Variants in RAD50 observed in about 807,000 individuals in gnomAD.
RAD50 encodes RAD50 double strand break repair protein.
RAD50 carries 132 observed loss-of-function variants against 168.8 expected under a neutral mutation model. The ratio of observed to expected loss-of-function variants is 0.78; its 90% CI spans 0.68 to 0.90. The LOEUF (loss-of-function observed/expected upper bound fraction) is 0.90, where lower values mean the gene tolerates loss of function less well. Among genes scored for constraint, RAD50 ranks in the 40% least tolerant of loss-of-function variants. RAD50 has a pLI of 0.00. For missense variants in RAD50, 1,347 were observed against 1,534.4 expected (o/e 0.88, Z 2.04); for synonymous variants, 525 against 497.4 (o/e 1.06, Z -0.74).
At position 132,557,243 on chromosome 5, in the gene RAD50, C is replaced by G; in HGVS notation, c.-82C>G. 6.4e-7 allele frequency: 1 copy of G among 1,556,304 alleles called. No homozygotes were observed. The highest frequency in any genetic ancestry group is 8.9e-7 in the Non-Finnish European group (1 of 1,127,700). On this transcript the variant is annotated 5_prime_UTR_variant, in exon 1 of 25. Coordinates refer to ENST00000378823, the MANE Select transcript of RAD50 (RefSeq NM_005732.4). ...CTGACCCTGAGATTCGCGGGTCTCACGTCCCGTGCACGCCTTGCTTCGGCC... is the reference window on the plus strand; with the variant it reads ...CTGACCCTGAGATTCGCGGGTCTCAGGTCCCGTGCACGCCTTGCTTCGGCC...
In RAD50 at chr5:132,616,050, T is replaced by C. The variant is rs2149852949; in HGVS notation, c.3084T>C (p.Asn1028=). Residue 1028 remains asparagine (N), a synonymous_variant, in exon 20 of 25, where the codon AAT becomes AAC. Transcript: ENST00000378823. ...ATAACCTTACTTTAAGAAAAAGAAA[T>C]GAGGAACTAAAAGAAGTTGAAGAAG... ...LQDNLTLRKR[N]EELKEVEEER... is the part of the protein sequence containing the mutation. The C allele has an allele frequency of 6.2e-7, 1 of 1,605,844 alleles. No homozygotes were observed. The highest frequency in any genetic ancestry group is 8.5e-7 in the Non-Finnish European group (1 of 1,172,760).
At chr5:132,577,702 A>G (rs112353614) in intron 3 of RAD50, among the ~76,000 whole-genome samples, 35 of 151,762 alleles carry the variant, frequency 2.3e-4, no homozygotes, top group African/African-American at 7.7e-4. Flanking sequence ...CATTGCTCAA[A>G]CTACTCTGTG....
chr5:132,580,029 T>C lies in RAD50; in HGVS notation c.719T>C (p.Ile240Thr). The change falls in exon 5 of 25, where the codon ATT becomes ACT. Residue 240 changes from isoleucine to threonine, a missense_variant. By Grantham distance (89) the Ile-to-Thr change is moderately conservative. Coordinates refer to ENST00000378823, the MANE Select transcript of RAD50 (RefSeq NM_005732.4). ...KEAQLTSSKEIVKSYENELDP... is the reference protein window; with the variant it reads ...KEAQLTSSKETVKSYENELDP... ...GCCCAGTTAACATCTTCAAAGGAAA[T>C]TGTCAAATCCTATGAGAATGAACTT... 1.2e-6 allele frequency: 2 copies of C among 1,613,306 alleles called. No individual in the cohort carries two copies. Among genetic ancestry groups the C allele is most frequent in the Middle Eastern group, 3.3e-4 (2 of 6,050 alleles).
intron 23 of RAD50, 118 bp downstream of exon 23, chr5:132,638,341 C>A: frequency 8.2e-7 from 1 of 1,218,278 alleles, no homozygotes; most frequent in Non-Finnish European, 1.2e-6. Flanking sequence ...CTCTTTGCTG[C>A]TATATAAAAT....
rs566578008 is a variant in RAD50 at position 132,614,362 on chromosome 5, T to C, written c.3037-1641T>C. 5.3e-5 allele frequency among the ~76,000 whole-genome samples: 8 copies of C among 152,316 alleles called. No homozygotes were observed. In the Middle Eastern group the frequency reaches 0.01, roughly 194 times the overall value. ...CCTTGGTAAGTCACACCAGCTACAG[T>C]GGTACATTAGATTGCTTTAGCAACA... On this transcript the variant is annotated intron_variant, in intron 19 of 24. Coordinates refer to ENST00000378823, the MANE Select transcript of RAD50 (RefSeq NM_005732.4).
chr5:132,616,320 T>G (rs996670974), intron 20 of RAD50, among the ~76,000 whole-genome samples, 190 bp downstream of exon 20: 10 of 152,210 alleles, frequency 6.6e-5, no homozygotes, highest in Non-Finnish European at 1.5e-4. Context: ...AGAAGTGATA[T>G]AGAATTGGTA....
chr5:132,571,067 C>T (rs767590582), intron 2 of RAD50, among the ~76,000 whole-genome samples: 1 of 151,962 alleles, frequency 6.6e-6, no homozygotes, highest in Non-Finnish European at 1.5e-5. Flanking sequence ...AGGACACACA[C>T]GTTAATGGAT....
chr5:132,579,471 CAA>C lies in RAD50; in HGVS notation c.523_524del (p.Lys175ValfsTer2), dbSNP rs1750465926. 3 of 1,613,490 alleles carry C rather than the reference CAA, an allele frequency of 1.9e-6. No individual in the cohort carries two copies. The highest frequency in any genetic ancestry group is 1.7e-5 in the Admixed American group (1 of 60,002). ...TTTAAGTGAAGGAAAGGCTTTGAAG[CAA>C]AAGTTTGATGAGATTTTTTCAGCAA... Reference protein sequence around the residue: ...WPLSEGKALKQKFDEIFSATR... With the variant: ...WPLSEGKALKXKFDEIFSATR... On this transcript the variant is annotated frameshift_variant, in exon 4 of 25. Coordinates refer to ENST00000378823, the MANE Select transcript of RAD50 (RefSeq NM_005732.4). LOFTEE classifies it high-confidence loss of function.
chr5:132,645,496 C>G lies in RAD50; in HGVS notation c.*3132C>G, dbSNP rs1481514002. On this transcript the variant is annotated 3_prime_UTR_variant, in exon 25 of 25. Transcript: ENST00000378823. ...ACTCAGAGTCTGCACCTCTTTTCTT[C>G]TCTGTGCTCACTTATTTGGTGATCT... The G allele has an allele frequency of 1.3e-5, 2 of 152,320 alleles. No homozygotes were observed. Among genetic ancestry groups the G allele is most frequent in the African/African-American group, 2.4e-5 (1 of 41,458 alleles). 9.4% of individuals were successfully genotyped at this position (152,320 alleles called of 1,614,324 possible).
At chr5:132,638,750 G>A (rs1288634778) in intron 23 of RAD50, among the ~76,000 whole-genome samples, 1 of 152,200 alleles carries the variant, frequency 6.6e-6, no homozygotes, top group Non-Finnish European at 1.5e-5. Context: ...AGACTTAGCT[G>A]CTGGGTCAGG....
At chr5:132,595,973 T>C (rs1460348065) in intron 13 of RAD50, among the ~76,000 whole-genome samples, 163 bp downstream of exon 13, 5 of 152,100 alleles carry the variant, frequency 3.3e-5, no homozygotes, top group Non-Finnish European at 7.3e-5. Context: ...TGTTTAAAGA[T>C]AAGCTTGTTT....
intron 24 of RAD50, chr5:132,641,836 A>G (rs753092556): frequency 4.1e-6 from 1 of 242,610 alleles, no homozygotes; most frequent in Non-Finnish European, 8.0e-6. Flanking sequence ...TAAGCCTTCT[A>G]TAGTTGAACA....
chr5:132,638,097 A>C lies in RAD50; in HGVS notation c.3492A>C (p.Glu1164Asp). 1 of 1,614,132 alleles carries C rather than the reference A, an allele frequency of 6.2e-7. No homozygotes were observed. The highest frequency in any genetic ancestry group is 2.2e-5 in the East Asian group (1 of 44,888). ...TYRGQDIEYIEIRSDADENVS... is the reference protein window; with the variant it reads ...TYRGQDIEYIDIRSDADENVS... ...CTGTGTCAGATATTGAATACATAGA[A>C]ATACGGTCTGATGCCGATGAAAATG... Residue 1164 changes from glutamate (E) to aspartate (D), a missense_variant, in exon 23 of 25, where the codon GAA (glutamate) becomes GAC (aspartate). Around this residue, in one of 3 missense-constraint regions of RAD50, gnomAD observed 635 missense variants for 739.2 expected, o/e 0.86. Transcript: ENST00000378823.
At chr5:132,572,856 T>C in intron 2 of RAD50, among the ~76,000 whole-genome samples, 1 of 152,264 alleles carries the variant, frequency 6.6e-6, no homozygotes, top group Middle Eastern at 3.2e-3. Flanking sequence ...GTAATCTTTC[T>C]ATTTTAAAGT....
In RAD50 at chr5:132,557,188, C is replaced by A; in HGVS notation, c.-137C>A. On this transcript the variant is annotated 5_prime_UTR_variant, in exon 1 of 25. Transcript: ENST00000378823. ...TTGGCTGGCAGGATCTTTTGGCAGT[C>A]CTGTGGCCTCGCTCCCCGCCCGGAT... 1.7e-6 allele frequency: 2 copies of A among 1,209,566 alleles called. No homozygotes were observed. Among genetic ancestry groups the A allele is most frequent in the Non-Finnish European group, 2.4e-6 (2 of 827,654 alleles). 74.9% of individuals were successfully genotyped at this position (1,209,566 alleles called of 1,614,324 possible).
chr5:132,585,229 T>C (rs905864710), intron 5 of RAD50, among the ~76,000 whole-genome samples: 1 of 152,206 alleles, frequency 6.6e-6, no homozygotes, highest in Non-Finnish European at 1.5e-5. Flanking sequence ...TTTAACCTTA[T>C]AAGTTACCAG....
chr5:132,591,664 A>C (rs1750702201), intron 10 of RAD50, among the ~76,000 whole-genome samples: 2 of 152,148 alleles, frequency 1.3e-5, no homozygotes, highest in South Asian at 4.1e-4. Context: ...AAATTTTAAA[A>C]TTTTATATTG....
In RAD50 at chr5:132,608,678, G is replaced by C; in HGVS notation, c.2782G>C (p.Glu928Gln). ...GGAAAAGTTCCAGCAAGAAAAAGAAGAATTAATCAACAAAAAAAATACAAG... is the reference window on the plus strand; with the variant it reads ...GGAAAAGTTCCAGCAAGAAAAAGAACAATTAATCAACAAAAAAAATACAAG... ...TLEKFQQEKEELINKKNTSNK... is the reference protein window; with the variant it reads ...TLEKFQQEKEQLINKKNTSNK... The change falls in exon 17 of 25, where the codon GAA becomes CAA. Residue 928 changes from glutamate to glutamine, a missense_variant. Physicochemically the swap from Glu to Gln is conservative, Grantham distance 29. Transcript: ENST00000378823. The C allele has an allele frequency of 6.3e-7, 1 of 1,599,470 alleles. No homozygotes were observed. The highest frequency in any genetic ancestry group is 8.5e-7 in the Non-Finnish European group (1 of 1,173,052).
intron 9 of RAD50, 152 bp downstream of exon 9, chr5:132,589,989 C>CT (rs1750670106): frequency 1.3e-6 from 1 of 793,680 alleles, no homozygotes; most frequent in Non-Finnish European, 2.0e-6. Context: ...ATATCTTGAT[C>CT]TTCTGACTCT....
Sources: allele counts gnomAD v4.1 joint callset (sites outside exome capture counted in the v4.1 genomes callset), GRCh38; gene constraint gnomAD v4.1.1; regional missense constraint gnomAD v4.1.1; transcripts MANE v1.5; gene names NCBI Gene and HGNC (gene_info 2026-07-23, HGNC 2026-07-21).